ZFHX3: variants seen among roughly 807,000 people sequenced by gnomAD.
ZFHX3 encodes zinc finger homeobox 3.
ZFHX3 carries 42 observed loss-of-function variants against 279.1 expected under a neutral mutation model. That is an observed-to-expected ratio of 0.15 (90% CI 0.12 to 0.19). The LOEUF is 0.19. Among genes scored for constraint, ZFHX3 ranks in the 10% least tolerant of loss-of-function variants. The pLI, the probability that ZFHX3 is intolerant of heterozygous loss-of-function variation, is 1.00. For synonymous variants in ZFHX3, 2,293 were observed against 1,957.8 expected (o/e 1.17, Z -4.52); for missense variants, 4,981 against 4,754.0 (o/e 1.05, Z -1.40).
chr16:73,416,811 C>T (rs8043957), intron 3 of ZFHX3, among the ~76,000 whole-genome samples: 128,044 of 143,968 alleles, frequency 0.89, 57,298 homozygotes, highest in African/African-American at 0.96. Flanking sequence ...GAGGCGGAGC[C>T]TGCAGTGAGC....
At chr16:73,362,530 C>A (rs541943936) in intron 3 of ZFHX3, among the ~76,000 whole-genome samples, 11 of 152,344 alleles carry the variant, frequency 7.2e-5, no homozygotes, top group Non-Finnish European at 1.5e-4. Flanking sequence ...ACACACTTCA[C>A]AGAGTGTAAA....
chr16:73,612,814 A>G (rs2052260516), intron 2 of ZFHX3, among the ~76,000 whole-genome samples: 1 of 152,240 alleles, frequency 6.6e-6, no homozygotes, highest in African/African-American at 2.4e-5. Flanking sequence ...GAAAGCAGAG[A>G]AACACACACT....
chr16:72,933,339 G>A (rs888219982), intron 3 of ZFHX3, among the ~76,000 whole-genome samples: 1 of 152,196 alleles, frequency 6.6e-6, no homozygotes, highest in Non-Finnish European at 1.5e-5. Flanking sequence ...GGAAGGTGGA[G>A]GGGAGGACAG....
At chr16:73,465,709 C>T (rs2018557331) in intron 2 of ZFHX3, among the ~76,000 whole-genome samples, 1 of 152,182 alleles carries the variant, frequency 6.6e-6, no homozygotes, top group Non-Finnish European at 1.5e-5. Context: ...CTTCCCCCTA[C>T]CTGGAATACA....
intron 1 of ZFHX3, among the ~76,000 whole-genome samples, chr16:73,771,712 T>C (rs1011877918): frequency 1.3e-5 from 2 of 152,132 alleles, no homozygotes; most frequent in African/African-American, 4.8e-5. Context: ...TTGGCTTCCT[T>C]CCCTAGAGAA....
chr16:73,075,144 T>A (rs1965872606), intron 8 of ZFHX3, among the ~76,000 whole-genome samples: 1 of 152,126 alleles, frequency 6.6e-6, no homozygotes, highest in African/African-American at 2.4e-5. Flanking sequence ...ATTACTCTAT[T>A]ATTACCTACT....
chr16:73,271,384 C>T (rs1477838488), intron 4 of ZFHX3, among the ~76,000 whole-genome samples: 2 of 152,246 alleles, frequency 1.3e-5, no homozygotes, highest in East Asian at 3.8e-4. Context: ...CCCCTGCTCA[C>T]TCCTCCCCAG....
chr16:73,022,171 CTT>C (rs1269445653), intron 1 of ZFHX3, among the ~76,000 whole-genome samples: 1 of 152,096 alleles, frequency 6.6e-6, no homozygotes, highest in Non-Finnish European at 1.5e-5. Flanking sequence ...GCATTTCTCT[CTT>C]TTTTTGCCCC....
chr16:73,237,261 A>AC (rs2012978471), intron 5 of ZFHX3, among the ~76,000 whole-genome samples: 1 of 152,146 alleles, frequency 6.6e-6, no homozygotes, highest in Non-Finnish European at 1.5e-5. Flanking sequence ...TTCTTAAAAA[A>AC]TAAAATTCTT....
chr16:73,049,246 C>T (rs1481087597), upstream of ZFHX3, among the ~76,000 whole-genome samples: 1 of 152,266 alleles, frequency 6.6e-6, no homozygotes, highest in Non-Finnish European at 1.5e-5. Flanking sequence ...CCGATTCTCA[C>T]AGCACAGAAA....
At chr16:73,633,473 G>A (rs1011038706) in intron 2 of ZFHX3, among the ~76,000 whole-genome samples, 5 of 152,196 alleles carry the variant, frequency 3.3e-5, no homozygotes, top group Non-Finnish European at 5.9e-5. Context: ...TCAGGCCGGG[G>A]TAATCTTTGC....
intron 2 of ZFHX3, among the ~76,000 whole-genome samples, chr16:73,481,159 A>C (rs2018857980): frequency 6.6e-6 from 1 of 151,734 alleles, no homozygotes; most frequent in Non-Finnish European, 1.5e-5. Flanking sequence ...AGAAACCCTG[A>C]CTCTATTAAA....
intron 3 of ZFHX3, among the ~76,000 whole-genome samples, chr16:73,392,570 G>C (rs974538985): frequency 2.0e-5 from 3 of 151,996 alleles, no homozygotes; most frequent in African/African-American, 7.3e-5. Context: ...AGGGGATTTT[G>C]GGGGAGAAAT....
At chr16:73,271,276 T>G (rs964052587) in intron 4 of ZFHX3, among the ~76,000 whole-genome samples, 3 of 152,188 alleles carry the variant, frequency 2.0e-5, no homozygotes, top group African/African-American at 7.2e-5. Context: ...AATGGGCCCT[T>G]TTTGTTTTCT....
chr16:73,007,691 C>T (rs999037064), intron 1 of ZFHX3, among the ~76,000 whole-genome samples: 8 of 152,066 alleles, frequency 5.3e-5, no homozygotes, highest in South Asian at 2.1e-4. Flanking sequence ...GTGATCCACC[C>T]GCCGCGGCCT....
intron 8 of ZFHX3, among the ~76,000 whole-genome samples, chr16:73,088,770 A>G (rs1008444490): frequency 6.6e-6 from 1 of 152,194 alleles, no homozygotes; most frequent in Non-Finnish European, 1.5e-5. Context: ...GTCAGAAAGC[A>G]GACCACTGAC....
At chr16:73,161,213 G>A (rs1286770801) in intron 5 of ZFHX3, among the ~76,000 whole-genome samples, 1 of 152,042 alleles carries the variant, frequency 6.6e-6, no homozygotes, top group Non-Finnish European at 1.5e-5. Flanking sequence ...CTGGGCTCAA[G>A]CAATCCTGTC....
intron 2 of ZFHX3, among the ~76,000 whole-genome samples, chr16:73,641,969 C>A (rs1378687106): frequency 6.6e-6 from 1 of 151,950 alleles, no homozygotes; most frequent in Non-Finnish European, 1.5e-5. Context: ...GGGATGGAGA[C>A]GCTGGTCCAC....
intron 2 of ZFHX3, among the ~76,000 whole-genome samples, chr16:73,589,666 C>T (rs1479884775): frequency 7.9e-6 from 1 of 127,122 alleles, no homozygotes; most frequent in Non-Finnish European, 1.6e-5. Context: ...GGACATGGAG[C>T]TTGCAGTGAG....
Sources: allele counts gnomAD v4.1 joint callset (sites outside exome capture counted in the v4.1 genomes callset), GRCh38; gene constraint gnomAD v4.1.1; transcripts MANE v1.5; gene names NCBI Gene and HGNC (gene_info 2026-07-23, HGNC 2026-07-21).